The following POLR1A variants were observed in gnomAD, a reference collection of about 807,000 sequenced individuals.
POLR1A encodes RNA polymerase I subunit A.
In POLR1A, 84 loss-of-function variants were observed where a neutral mutation model predicts 205.3. That is an observed-to-expected ratio of 0.41 (90% CI 0.34 to 0.49). The LOEUF (loss-of-function observed/expected upper bound fraction) is 0.49. Ranked by LOEUF, POLR1A falls within the 20% of genes least tolerant of loss-of-function variation. The pLI is 0.22. For missense variants in POLR1A, 1,645 were observed against 2,204.5 expected (o/e 0.75, Z 5.08); for synonymous variants, 799 against 863.7 (o/e 0.93, Z 1.31).
At chr2:86,088,405 C>G (rs1673541556) in intron 6 of POLR1A, among the ~76,000 whole-genome samples, 161 bp downstream of exon 6, 1 of 152,214 alleles carries the variant, frequency 6.6e-6, no homozygotes, top group Non-Finnish European at 1.5e-5. Context: ...TGGGCGCTTG[C>G]CAGGGTCCCC....
At chr2:86,029,254 AG>A (rs913306457) in intron 31 of POLR1A, among the ~76,000 whole-genome samples, 4 of 152,138 alleles carry the variant, frequency 2.6e-5, no homozygotes, top group African/African-American at 9.7e-5. Flanking sequence ...AAAAGGGTTC[AG>A]GGGAGCAGGA....
At chr2:86,045,448 T>A in intron 20 of POLR1A, 88 bp from the exon 21 acceptor site, 1 of 1,282,620 alleles carries the variant, frequency 7.8e-7, no homozygotes, top group Middle Eastern at 2.0e-4. Context: ...CAGCAGCCTT[T>A]CCTGACCAGA....
rs1357013502 is a variant in POLR1A at position 86,028,683 on chromosome 2, T to C, written c.4808A>G (p.Asn1603Ser). ...EVLDLRRLYS[N>S]DIHAIANTYG... is the part of the protein sequence containing the mutation. ...CGTGTTGGCTATGGCGTGGATGTCGTTGGAGTAGAGGCGGCGCAGATCCAG... is the reference window on the plus strand; with the variant it reads ...CGTGTTGGCTATGGCGTGGATGTCGCTGGAGTAGAGGCGGCGCAGATCCAG... The change falls in exon 32 of 34, where the codon AAC becomes AGC. Residue 1603 changes from asparagine to serine, a missense_variant. Asn to Ser is a conservative substitution (Grantham distance 46, BLOSUM62 1). This residue lies in a region of POLR1A where 394 missense variants were observed against 468.5 expected (regional missense o/e 0.84). Transcript: ENST00000263857. This position sits in a 1 kb window ranked among gnomAD's most constrained non-coding sequence, Gnocchi z 4.5. 4 of 1,614,114 alleles carry C rather than the reference T, an allele frequency of 2.5e-6. No individual in the cohort carries two copies. The highest frequency in any genetic ancestry group is 2.5e-6 in the Non-Finnish European group (3 of 1,179,958).
In POLR1A at chr2:86,049,190, G is replaced by A; in HGVS notation, c.2445C>T (p.Ile815=). The change falls in exon 17 of 34, where the codon ATC becomes ATT. Residue 815 remains isoleucine (I), a synonymous_variant. Transcript: ENST00000263857. ...GCCCGCAGTGGGTGGATTCTTCAAT[G>A]ATACGTTGCCTCTTGACATCTGCCT... ...KPKADVKRQR[I]IEESTHCGPQ... 1 of 1,613,976 alleles carries A rather than the reference G, an allele frequency of 6.2e-7. No homozygotes were observed. Among genetic ancestry groups the A allele is most frequent in the Non-Finnish European group, 8.5e-7 (1 of 1,179,812 alleles).
At chr2:86,055,432 A>G (rs1472514325) in intron 14 of POLR1A, among the ~76,000 whole-genome samples, 3 of 152,244 alleles carry the variant, frequency 2.0e-5, no homozygotes, top group Non-Finnish European at 4.4e-5. Context: ...TTCTCAGCAG[A>G]AGATGACCAG....
At chr2:86,072,654 C>T (rs533238261) in intron 12 of POLR1A, among the ~76,000 whole-genome samples, 4 of 152,248 alleles carry the variant, frequency 2.6e-5, no homozygotes, top group Admixed American at 6.5e-5. Context: ...GAGGCAGGCT[C>T]GGAGCCAAAG....
intron 3 of POLR1A, among the ~76,000 whole-genome samples, chr2:86,093,879 T>C (rs1207994475): frequency 6.6e-6 from 1 of 152,244 alleles, no homozygotes; most frequent in Non-Finnish European, 1.5e-5. Flanking sequence ...TAGAGCCATC[T>C]GTTACACTTT....
intron 11 of POLR1A, among the ~76,000 whole-genome samples, chr2:86,077,600 G>A (rs1364912720): frequency 1.3e-5 from 2 of 152,184 alleles, no homozygotes; most frequent in African/African-American, 4.8e-5. Flanking sequence ...CCCTGGTGCT[G>A]ACTTGTTGGT....
At chr2:86,080,743 G>T in intron 9 of POLR1A, 73 bp downstream of exon 9, 1 of 1,413,074 alleles carries the variant, frequency 7.1e-7, no homozygotes. Context: ...CAGACCCAGT[G>T]TCTACATCCA....
chr2:86,080,862 T>C lies in POLR1A; in HGVS notation c.1040A>G (p.Gln347Arg). ...LIRKLLALMAQEQKLPEEVAT... is the reference protein window; with the variant it reads ...LIRKLLALMAREQKLPEEVAT... ...CACTTCCTCTGGCAACTTCTGTTCT[T>C]GGGCCATCAATGCCAGAAGTTTTCG... The change falls in exon 9 of 34, where the codon CAA becomes CGA. Residue 347 changes from glutamine (Q) to arginine (R), a missense_variant. Transcript: ENST00000263857. 6.2e-7 allele frequency: 1 copy of C among 1,614,096 alleles called. No individual in the cohort carries two copies. The highest frequency in any genetic ancestry group is 8.5e-7 in the Non-Finnish European group (1 of 1,179,992).
In POLR1A at chr2:86,044,627, A is replaced by G. The variant is rs572316302; in HGVS notation, c.2970-323T>C. Reference sequence around the variant, plus strand: ...CTGTCTGCCCCTACACTCTCCCACAATGCAGAGCTCCCCAGAGACCAGTGT... The same window carrying G: ...CTGTCTGCCCCTACACTCTCCCACAGTGCAGAGCTCCCCAGAGACCAGTGT... On this transcript the variant is annotated intron_variant, in intron 21 of 33. Transcript: ENST00000263857. Among the ~76,000 whole-genome samples, 119 of 152,242 alleles carry G rather than the reference A, an allele frequency of 7.8e-4. 1 individual carries two copies. Among genetic ancestry groups the G allele is most frequent in the Non-Finnish European group, 1.3e-3 (89 of 67,984 alleles).
chr2:86,103,189 C>G (rs1028753832), intron 1 of POLR1A, among the ~76,000 whole-genome samples: 7 of 152,086 alleles, frequency 4.6e-5, no homozygotes, highest in Non-Finnish European at 7.4e-5. Context: ...GCAAGTGGTC[C>G]TAGAAGCCCA....
chr2:86,092,306 G>C (rs1203815634), intron 3 of POLR1A, among the ~76,000 whole-genome samples: 1 of 152,158 alleles, frequency 6.6e-6, no homozygotes, highest in East Asian at 1.9e-4. Context: ...CCATGGAACT[G>C]TTAGAAACGA....
At chr2:86,034,237 C>G (rs1423954616) in intron 27 of POLR1A, among the ~76,000 whole-genome samples, 1 of 152,200 alleles carries the variant, frequency 6.6e-6, no homozygotes, top group African/African-American at 2.4e-5. Flanking sequence ...GCAGAATCTA[C>G]TGTAGGAGAG....
intron 25 of POLR1A, chr2:86,039,883 T>C (rs1672566840): frequency 4.6e-6 from 1 of 218,312 alleles, no homozygotes; most frequent in Non-Finnish European, 9.1e-6. Context: ...CCCCTGAGGT[T>C]TGGAAAGTGA....
chr2:86,046,356 C>T (rs1344975848), intron 19 of POLR1A, among the ~76,000 whole-genome samples: 1 of 152,144 alleles, frequency 6.6e-6, no homozygotes, highest in Non-Finnish European at 1.5e-5. Flanking sequence ...AGAAAGCTGC[C>T]TGTTAATACT....
At chr2:86,084,959 T>C (rs548465629) in intron 6 of POLR1A, among the ~76,000 whole-genome samples, 32 of 152,068 alleles carry the variant, frequency 2.1e-4, no homozygotes, top group African/African-American at 7.5e-4. Flanking sequence ...TTAAGTCATG[T>C]CCAGTATTTT....
At chr2:86,075,512 AT>A (rs960175414) in intron 11 of POLR1A, among the ~76,000 whole-genome samples, 3 of 151,618 alleles carry the variant, frequency 2.0e-5, no homozygotes, top group East Asian at 2.0e-4. Flanking sequence ...AGTTTATATA[AT>A]TTTTTTTTCT....
At chr2:86,040,677 C>T (rs1180717325) in intron 24 of POLR1A, 118 bp from the exon 25 acceptor site, 6 of 771,656 alleles carry the variant, frequency 7.8e-6, no homozygotes, top group East Asian at 5.5e-5. Context: ...TTTCTGGACT[C>T]GTTTTTCCTA....
Sources: allele counts gnomAD v4.1 joint callset (sites outside exome capture counted in the v4.1 genomes callset), GRCh38; gene constraint gnomAD v4.1.1; regional missense constraint gnomAD v4.1.1; non-coding constraint Gnocchi (gnomAD v3.1); transcripts MANE v1.5; gene names NCBI Gene and HGNC (gene_info 2026-07-23, HGNC 2026-07-21).